The following DPYD variants were observed in gnomAD, a reference collection of about 807,000 sequenced individuals.
DPYD encodes the protein dihydropyrimidine dehydrogenase.
A neutral mutation model predicts 116.2 loss-of-function variants in DPYD; 109 were observed. That is an observed-to-expected ratio of 0.94 (90% CI 0.80 to 1.10). The LOEUF (loss-of-function observed/expected upper bound fraction) is 1.10, where lower values mean the gene tolerates loss of function less well. DPYD is among the 50% of genes least tolerant of loss of function. The pLI, the probability that DPYD is intolerant of heterozygous loss-of-function variation, is 0.00. For missense variants in DPYD, 1,302 were observed against 1,254.5 expected, an observed-to-expected ratio of 1.04 and a Z score of -0.57; for synonymous variants, 440 against 432.0, an observed-to-expected ratio of 1.02 and a Z score of -0.23.
chr1:97,103,598 A>G (rs1211513062), intron 20 of DPYD, among the ~76,000 whole-genome samples: 1 of 152,152 alleles, frequency 6.6e-6, no homozygotes, highest in African/African-American at 2.4e-5. Flanking sequence ...TGATATCTAA[A>G]TTGGTCAAAA....
rs759743266 is a variant in DPYD, at chr1:97,294,423, G to A, written c.2299+10836C>T. 2.0e-5 allele frequency among the ~76,000 whole-genome samples: 3 copies of A among 152,000 alleles called. No homozygotes were observed. The East Asian group carries it at 5.8e-4, about 29-fold the overall frequency. On this transcript the variant is annotated intron_variant, in intron 18 of 22. Transcript: ENST00000370192. ...ATCTCAATTTCTTCCCTACCTCACC[G>A]TCTTCAAAATGTCCTTCTCTTTTTC...
intron 8 of DPYD, among the ~76,000 whole-genome samples, chr1:97,643,584 G>C (rs1265704829): frequency 6.6e-6 from 1 of 152,040 alleles, no homozygotes; most frequent in Admixed American, 6.6e-5. Flanking sequence ...CCCATTACTG[G>C]GTATATACCC....
chr1:97,391,770 G>T (rs1672718060), intron 14 of DPYD, among the ~76,000 whole-genome samples: 1 of 151,874 alleles, frequency 6.6e-6, no homozygotes, highest in Non-Finnish European at 1.5e-5. Flanking sequence ...ATCACACTTT[G>T]GCTTCAAATC....
chr1:97,357,284 T>G (rs1416170354), intron 16 of DPYD, among the ~76,000 whole-genome samples: 2 of 152,188 alleles, frequency 1.3e-5, no homozygotes, highest in Non-Finnish European at 2.9e-5. Flanking sequence ...TAGTTCATTG[T>G]TAATGTACAG....
intron 2 of DPYD, 84 bp from the exon 3 acceptor site, chr1:97,828,280 T>C (rs1669345540): frequency 3.2e-6 from 4 of 1,269,278 alleles, no homozygotes; most frequent in South Asian, 2.5e-5. Flanking sequence ...ATGTAATTGA[T>C]TATATTGATC....
intron 4 of DPYD, among the ~76,000 whole-genome samples, chr1:97,728,637 C>G (rs551361592): frequency 6.6e-6 from 1 of 151,970 alleles, no homozygotes. Flanking sequence ...AAGATAAACT[C>G]CAATCTGCTG....
At chr1:97,751,508 T>C (rs112666363) in intron 3 of DPYD, among the ~76,000 whole-genome samples, 3 of 102,574 alleles carry the variant, frequency 2.9e-5, no homozygotes, top group African/African-American at 1.1e-4. Context: ...CAGGGGACAG[T>C]GGCTCACGCC....
At chr1:97,385,088 C>A (rs1456026107) in intron 14 of DPYD, among the ~76,000 whole-genome samples, 1 of 151,596 alleles carries the variant, frequency 6.6e-6, no homozygotes, top group African/African-American at 2.4e-5. Flanking sequence ...GCTTCATTTG[C>A]AAGTATAAAA....
intron 12 of DPYD, among the ~76,000 whole-genome samples, chr1:97,519,735 T>C (rs1648500078): frequency 1.3e-5 from 2 of 152,146 alleles, no homozygotes; most frequent in Non-Finnish European, 2.9e-5. Flanking sequence ...ATAAAATATA[T>C]AGTTTGCTGT....
intron 13 of DPYD, among the ~76,000 whole-genome samples, chr1:97,504,801 G>A (rs1679790046): frequency 6.6e-6 from 1 of 151,626 alleles, no homozygotes; most frequent in Non-Finnish European, 1.5e-5. Flanking sequence ...GTTGATAAGA[G>A]GAGGGAGGTA....
rs908992914 is a variant in DPYD, at chr1:97,828,249, T to C, written c.151-53A>G. 5 of 1,547,250 alleles carry C rather than the reference T, an allele frequency of 3.2e-6. No individual in the cohort carries two copies. The East Asian group carries it at 6.8e-5, about 21-fold the overall frequency. On this transcript the variant is annotated intron_variant, in intron 2 of 22. Coordinates refer to ENST00000370192, the MANE Select transcript of DPYD (RefSeq NM_000110.4). The stretch of plus-strand genomic sequence containing the variant: ...TTCTCTAAGATCCTGAGAAAAATTG[T>C]ATCTATGCAGTTATGCAAAAATGTA...
At chr1:97,148,702 A>C (rs189678762) in intron 20 of DPYD, among the ~76,000 whole-genome samples, 153 of 152,324 alleles carry the variant, frequency 1.0e-3, no homozygotes, top group Admixed American at 3.7e-3. Context: ...ATGAAATGTC[A>C]TAATAATGTC....
intron 11 of DPYD, among the ~76,000 whole-genome samples, chr1:97,563,361 A>G (rs764567209): frequency 1.4e-4 from 21 of 152,198 alleles, no homozygotes; most frequent in Non-Finnish European, 2.6e-4. Flanking sequence ...TATTACACTC[A>G]CCGTATCTAT....
intron 8 of DPYD, among the ~76,000 whole-genome samples, chr1:97,669,778 T>C (rs1309481722): frequency 6.6e-6 from 1 of 152,174 alleles, no homozygotes; most frequent in Non-Finnish European, 1.5e-5. Flanking sequence ...TTCTGTACTT[T>C]GGTAAGATTG....
chr1:97,506,802 A>C (rs1478207203), intron 13 of DPYD, among the ~76,000 whole-genome samples: 1 of 151,210 alleles, frequency 6.6e-6, no homozygotes, highest in African/African-American at 2.5e-5. Flanking sequence ...TATAATTAAA[A>C]GATTTTTACT....
At chr1:97,153,398 C>T (rs760087881) in intron 20 of DPYD, among the ~76,000 whole-genome samples, 4 of 152,006 alleles carry the variant, frequency 2.6e-5, no homozygotes, top group Non-Finnish European at 5.9e-5. Context: ...GTATTAAAAA[C>T]GTGTCTATCC....
At chr1:97,701,274 A>C (rs1193834229) in intron 5 of DPYD, among the ~76,000 whole-genome samples, 3 of 150,140 alleles carry the variant, frequency 2.0e-5, no homozygotes, top group Non-Finnish European at 4.4e-5. Context: ...ACTAAACTTA[A>C]AGAACATTTC....
chr1:97,511,327 A>G (rs1647782351), intron 13 of DPYD, among the ~76,000 whole-genome samples: 1 of 152,024 alleles, frequency 6.6e-6, no homozygotes, highest in African/African-American at 2.4e-5. Context: ...GTATCTAATA[A>G]TGTGAATAAT....
In DPYD at chr1:97,595,032, T is replaced by G. The variant is rs769632325; in HGVS notation, c.958+27A>C. 4.0e-6 allele frequency: 6 copies of G among 1,510,012 alleles called. No individual in the cohort carries two copies. In the Admixed American group the frequency reaches 5.0e-5, roughly 13 times the overall value. The allele number at this position is 1,510,012 out of a possible 1,614,324, so 93.5% of individuals were successfully genotyped here. A position where few individuals can be genotyped will look rare whatever the true frequency, so the allele number is the denominator to read the frequency against. On this transcript the variant is annotated intron_variant, in intron 9 of 22. Transcript: ENST00000370192. ...CATAAATAAAATAGCATACTCACTA[T>G]TAAGCATAAAAGACAATATGTTATA...
Sources: allele counts gnomAD v4.1 joint callset (sites outside exome capture counted in the v4.1 genomes callset), GRCh38; gene constraint gnomAD v4.1.1; transcripts MANE v1.5; gene names NCBI Gene and HGNC (gene_info 2026-07-23, HGNC 2026-07-21).